The following BBS9 variants were observed in gnomAD, a reference collection of about 807,000 sequenced individuals.
BBS9 encodes the protein Bardet-Biedl syndrome 9, also known as protein PTHB1.
In BBS9, 89 loss-of-function variants were observed where a neutral mutation model predicts 117.7. That is an observed-to-expected ratio of 0.76 (90% CI 0.64 to 0.90). BBS9 has a LOEUF of 0.90. Among genes scored for constraint, BBS9 ranks in the 40% least tolerant of loss-of-function variants. The pLI is 0.00. For missense variants in BBS9, 982 were observed against 1,042.2 expected, an observed-to-expected ratio of 0.94 and a Z score of 0.80; for synonymous variants, 379 against 370.9, an observed-to-expected ratio of 1.02 and a Z score of -0.25.
chr7:33,407,680 G>A (rs1166408332), intron 19 of BBS9, among the ~76,000 whole-genome samples: 4 of 152,170 alleles, frequency 2.6e-5, no homozygotes, highest in African/African-American at 9.7e-5. Context: ...CAGGTCTGTT[G>A]GAGTTTGCTA....
intron 1 of BBS9, among the ~76,000 whole-genome samples, chr7:33,136,284 G>C (rs1247026197): frequency 6.6e-6 from 1 of 152,028 alleles, no homozygotes; most frequent in Non-Finnish European, 1.5e-5. Flanking sequence ...CTATATACAA[G>C]ATTATGTCAT....
rs144827818 is a variant in BBS9 at position 33,156,274 on chromosome 7, C to G, written c.328+572C>G. On this transcript the variant is annotated intron_variant, in intron 4 of 22. Coordinates refer to ENST00000242067, the MANE Select transcript of BBS9 (RefSeq NM_198428.3). The stretch of plus-strand genomic sequence containing the variant: ...GGTTTTTATTATATTTTATTTTGGC[C>G]TTTATTAAATGTAAGATATAACTTA... Among the ~76,000 whole-genome samples, 628 of 152,056 alleles carry G rather than the reference C, an allele frequency of 4.1e-3. 5 individuals carry two copies. The highest frequency in any genetic ancestry group is 0.014 in the African/African-American group (592 of 41,484).
chr7:33,163,617 T>C (rs6957253), intron 4 of BBS9, among the ~76,000 whole-genome samples: 6,093 of 152,272 alleles, frequency 0.04, 224 homozygotes, highest in African/African-American at 0.095. Flanking sequence ...TTTTTTTGCA[T>C]AGAGGTGTTT....
intron 5 of BBS9, among the ~76,000 whole-genome samples, chr7:33,203,866 G>A (rs1786381199): frequency 6.6e-6 from 1 of 151,480 alleles, no homozygotes; most frequent in Admixed American, 6.6e-5. Context: ...GGGATTACAG[G>A]CGTGTGACAC....
chr7:33,184,716 A>T (rs957501800), intron 5 of BBS9, among the ~76,000 whole-genome samples: 1 of 152,166 alleles, frequency 6.6e-6, no homozygotes, highest in African/African-American at 2.4e-5. Context: ...CACCAGGAGA[A>T]TGTTACTGGA....
chr7:33,219,069 G>A (rs1789648401), intron 5 of BBS9, among the ~76,000 whole-genome samples: 1 of 152,212 alleles, frequency 6.6e-6, no homozygotes. Context: ...CGCACTCGGA[G>A]CAGCCGGCCA....
intron 21 of BBS9, among the ~76,000 whole-genome samples, chr7:33,629,184 T>C (rs1865775563): frequency 6.6e-6 from 1 of 152,182 alleles, no homozygotes; most frequent in Non-Finnish European, 1.5e-5. Context: ...ACTTAGCACA[T>C]TAAAGTCCCC....
At chr7:33,275,549 AAGAC>A (rs1437875094) in intron 9 of BBS9, among the ~76,000 whole-genome samples, 1 of 151,260 alleles carries the variant, frequency 6.6e-6, no homozygotes, top group Admixed American at 6.6e-5. Flanking sequence ...CATTTGCAAA[AAGAC>A]AGATCCACAC....
At chr7:33,415,059 C>G (rs1831765744) in intron 19 of BBS9, among the ~76,000 whole-genome samples, 1 of 152,096 alleles carries the variant, frequency 6.6e-6, no homozygotes, top group Admixed American at 6.5e-5. Flanking sequence ...GTTGTAGAGG[C>G]TCTACTGAAT....
intron 9 of BBS9, among the ~76,000 whole-genome samples, chr7:33,285,425 C>G (rs184496059): frequency 6.6e-6 from 1 of 151,986 alleles, no homozygotes; most frequent in Non-Finnish European, 1.5e-5. Flanking sequence ...TGTCATAGTT[C>G]GTATATTTTT....
chr7:33,165,843 G>A (rs755179430), intron 4 of BBS9, among the ~76,000 whole-genome samples: 8 of 152,216 alleles, frequency 5.3e-5, no homozygotes, highest in South Asian at 2.1e-4. Flanking sequence ...CTGTCAGCTC[G>A]TCAAACTCAT....
chr7:33,307,013 T>C (rs934170440), intron 9 of BBS9, among the ~76,000 whole-genome samples: 1 of 152,174 alleles, frequency 6.6e-6, no homozygotes, highest in Non-Finnish European at 1.5e-5. Context: ...TCTCAGCTAT[T>C]AAATGCAAGA....
intron 21 of BBS9, among the ~76,000 whole-genome samples, chr7:33,600,735 A>G (rs1332963949): frequency 6.6e-6 from 1 of 152,136 alleles, no homozygotes; most frequent in Non-Finnish European, 1.5e-5. Context: ...CAGTGGAGTC[A>G]ACTCCAGGGC....
At chr7:33,478,961 T>C (rs906158773) in intron 19 of BBS9, among the ~76,000 whole-genome samples, 1 of 152,046 alleles carries the variant, frequency 6.6e-6, no homozygotes, top group African/African-American at 2.4e-5. Context: ...AATGTTACTT[T>C]ACTGTTCATT....
At position 33,142,995 on chromosome 7, in the gene BBS9, A is replaced by G. The variant is rs568090466; in HGVS notation, c.-11-3247A>G. Among the ~76,000 whole-genome samples, 4 of 150,608 alleles carry G rather than the reference A, an allele frequency of 2.7e-5. No homozygotes were observed. The South Asian group carries it at 8.4e-4, about 32-fold the overall frequency. ...TTTAACTTTTTTTTTTTTGAGATGGAGTCTCGCTCTGTCGCCCAGGCAGGA... is the reference window on the plus strand; with the variant it reads ...TTTAACTTTTTTTTTTTTGAGATGGGGTCTCGCTCTGTCGCCCAGGCAGGA... On this transcript the variant is annotated intron_variant, in intron 1 of 22. Coordinates refer to ENST00000242067, the MANE Select transcript of BBS9 (RefSeq NM_198428.3).
chr7:33,589,641 G>A (rs1049398419), intron 21 of BBS9, among the ~76,000 whole-genome samples: 1 of 152,090 alleles, frequency 6.6e-6, no homozygotes, highest in East Asian at 1.9e-4. Flanking sequence ...GACACTGAAA[G>A]GGTGGAGTTG....
At chr7:33,251,529 T>G (rs926562834) in intron 5 of BBS9, among the ~76,000 whole-genome samples, 1 of 152,062 alleles carries the variant, frequency 6.6e-6, no homozygotes, top group Non-Finnish European at 1.5e-5. Context: ...GGAGAAAAGT[T>G]AAAGGATCTT....
intron 19 of BBS9, among the ~76,000 whole-genome samples, chr7:33,388,961 T>C (rs1285011685): frequency 6.6e-6 from 1 of 152,196 alleles, no homozygotes; most frequent in Non-Finnish European, 1.5e-5. Flanking sequence ...AGTTTTTTAA[T>C]TGAGATAATT....
chr7:33,152,671 T>G (rs1793519136), intron 2 of BBS9, 30 bp from the exon 3 acceptor site: 1 of 1,583,296 alleles, frequency 6.3e-7, no homozygotes, highest in Admixed American at 1.7e-5. Context: ...TGTTTCTCCC[T>G]CTATCTTTTT....
Sources: allele counts gnomAD v4.1 joint callset (sites outside exome capture counted in the v4.1 genomes callset), GRCh38; gene constraint gnomAD v4.1.1; transcripts MANE v1.5; gene names NCBI Gene and HGNC (gene_info 2026-07-23, HGNC 2026-07-21).